The following TJP1 variants were observed in gnomAD, a reference collection of about 807,000 sequenced individuals.
TJP1 encodes the protein tight junction protein 1, also known as tight junction protein ZO-1.
In TJP1, 43 loss-of-function variants were observed where a neutral mutation model predicts 194.2. The ratio of observed to expected loss-of-function variants is 0.22; its 90% confidence interval spans 0.17 to 0.29. The LOEUF (loss-of-function observed/expected upper bound fraction) is 0.29. Among genes scored for constraint, TJP1 ranks in the 10% least tolerant of loss-of-function variants. TJP1 has a pLI of 1.00. For synonymous variants in TJP1, 801 were observed against 779.0 expected (o/e 1.03, Z -0.47); for missense variants, 1,971 against 2,185.7 (o/e 0.90, Z 1.96).
intron 2 of TJP1, among the ~76,000 whole-genome samples, chr15:29,780,385 C>T (rs1341623991): frequency 1.3e-5 from 2 of 152,010 alleles, no homozygotes; most frequent in African/African-American, 4.8e-5. Context: ...GCATGGCTCA[C>T]AACAGGGTTC....
chr15:29,900,717 G>T (rs576275688), intron 2 of TJP1, among the ~76,000 whole-genome samples: 2 of 152,180 alleles, frequency 1.3e-5, no homozygotes, highest in Non-Finnish European at 2.9e-5. Context: ...CCCAGTGTAC[G>T]GCACATGGGC....
chr15:29,821,904 C>G (rs988595461), intron 1 of TJP1, 98 bp downstream of exon 1: 1 of 1,092,716 alleles, frequency 9.2e-7, no homozygotes, highest in Non-Finnish European at 1.1e-6. Context: ...GGGGCCCAGA[C>G]AGCCGCCAGC....
intron 2 of TJP1, among the ~76,000 whole-genome samples, chr15:29,915,177 T>C (rs1047495992): frequency 6.6e-6 from 1 of 152,192 alleles, no homozygotes; most frequent in Non-Finnish European, 1.5e-5. Flanking sequence ...GTAATACGGC[T>C]GTGGTTAACA....
chr15:29,882,723 A>G (rs2052982386), intron 2 of TJP1, among the ~76,000 whole-genome samples: 1 of 152,316 alleles, frequency 6.6e-6, no homozygotes, highest in East Asian at 1.9e-4. Context: ...CACTGGTCCA[A>G]TTCAGTTTGA....
At chr15:29,946,438 T>C (rs942005029) in intron 2 of TJP1, among the ~76,000 whole-genome samples, 6 of 152,126 alleles carry the variant, frequency 3.9e-5, no homozygotes, top group Non-Finnish European at 8.8e-5. Flanking sequence ...GTGAATTAAG[T>C]GTGAGAGAAT....
intron 25 of TJP1, 101 bp downstream of exon 25, chr15:29,708,458 G>GTT (rs1177083529): frequency 1.0e-6 from 1 of 964,646 alleles, no homozygotes; most frequent in East Asian, 2.4e-5. Context: ...TAAAGGTTGA[G>GTT]TTAAAAAGAT....
intron 2 of TJP1, among the ~76,000 whole-genome samples, chr15:29,916,668 C>A (rs541100679): frequency 1.3e-5 from 2 of 152,108 alleles, no homozygotes; most frequent in Non-Finnish European, 2.9e-5. Context: ...TACAACCTGA[C>A]CTACTTGTTC....
At chr15:29,950,119 AACCACCACCTCCACCACC>A (rs2055652850) in intron 2 of TJP1, among the ~76,000 whole-genome samples, 1 of 4,222 alleles carries the variant, frequency 2.4e-4, no homozygotes, top group Non-Finnish European at 4.3e-4. Flanking sequence ...CCACCTCCAC[AACCACCACCTCCACCACC>A]ACCACAACCA....
intron 2 of TJP1, among the ~76,000 whole-genome samples, chr15:29,875,563 TTTTTTA>T (rs1340999886): frequency 3.9e-5 from 6 of 152,130 alleles, no homozygotes; most frequent in African/African-American, 9.7e-5. Context: ...TTCTTCATAT[TTTTTTA>T]TTTTTATTTT....
At chr15:29,750,151 C>A (rs896795673) in intron 8 of TJP1, among the ~76,000 whole-genome samples, 1 of 152,088 alleles carries the variant, frequency 6.6e-6, no homozygotes, top group African/African-American at 2.4e-5. Context: ...GGACTACAGG[C>A]ACGTGCCACC....
intron 24 of TJP1, 132 bp downstream of exon 24, chr15:29,710,699 A>C: frequency 1.8e-6 from 2 of 1,105,708 alleles, no homozygotes; most frequent in South Asian, 1.5e-5. Flanking sequence ...CAAAATTCTT[A>C]GTTTTTACTG....
At chr15:29,852,812 G>A (rs984316903) in intron 2 of TJP1, among the ~76,000 whole-genome samples, 1 of 151,916 alleles carries the variant, frequency 6.6e-6, no homozygotes, top group Non-Finnish European at 1.5e-5. Flanking sequence ...GCTGAGGCAG[G>A]AGAATTGCTT....
chr15:29,733,808 C>G (rs1337150492), intron 12 of TJP1, among the ~76,000 whole-genome samples: 3 of 152,122 alleles, frequency 2.0e-5, no homozygotes, highest in African/African-American at 7.2e-5. Context: ...CCCCTAAAAC[C>G]ACATTATTTG....
At chr15:29,931,965 G>A (rs1017648049) in intron 2 of TJP1, among the ~76,000 whole-genome samples, 1 of 152,164 alleles carries the variant, frequency 6.6e-6, no homozygotes, top group Admixed American at 6.5e-5. Flanking sequence ...AAATTGTCAT[G>A]GTGCTGGTGG....
intron 1 of TJP1, among the ~76,000 whole-genome samples, chr15:29,966,969 A>C (rs997599384): frequency 6.6e-6 from 1 of 151,954 alleles, no homozygotes; most frequent in African/African-American, 2.4e-5. Flanking sequence ...AACTGTGGCT[A>C]ACCTTGTCTT....
At chr15:29,854,347 G>T (rs1363523602) in intron 2 of TJP1, among the ~76,000 whole-genome samples, 3 of 152,116 alleles carry the variant, frequency 2.0e-5, no homozygotes, top group Admixed American at 6.6e-5. Flanking sequence ...GGTCTCTATA[G>T]ATGTAAGTTA....
Position 29,822,410 on chromosome 15 carries a change from C to A in TJP1, c.-382G>T. On this transcript the variant is annotated 5_prime_UTR_variant, in exon 1 of 28. Transcript: ENST00000614355. ...CGCCACGTAACTTCCCGGGAACCGG[C>A]GGCCGCCAAGGAACGCGGCGTCCGC... 1 of 995,140 alleles carries A rather than the reference C, an allele frequency of 1.0e-6. No individual in the cohort carries two copies. The highest frequency in any genetic ancestry group is 1.2e-6 in the Non-Finnish European group (1 of 836,376). The allele number at this position is 995,140 out of a possible 1,614,324, so 61.6% of individuals were successfully genotyped here. A position where few individuals can be genotyped will look rare whatever the true frequency, so the allele number is the denominator to read the frequency against.
chr15:29,774,716 G>A (rs905135005), intron 2 of TJP1, among the ~76,000 whole-genome samples: 1 of 151,788 alleles, frequency 6.6e-6, no homozygotes, highest in Non-Finnish European at 1.5e-5. Context: ...AAAAACCAAT[G>A]AACTGCATAC....
intron 11 of TJP1, among the ~76,000 whole-genome samples, chr15:29,734,966 G>A (rs942426791): frequency 2.0e-5 from 3 of 151,776 alleles, no homozygotes; most frequent in East Asian, 1.9e-4. Context: ...GATGAAAAAA[G>A]GTAACTTTTT....
Sources: allele counts gnomAD v4.1 joint callset (sites outside exome capture counted in the v4.1 genomes callset), GRCh38; gene constraint gnomAD v4.1.1; transcripts MANE v1.5; gene names NCBI Gene and HGNC (gene_info 2026-07-23, HGNC 2026-07-21).